RAP1GAP: variants seen among roughly 807,000 people sequenced by gnomAD.
The protein encoded by RAP1GAP is RAP1 GTPase activating protein, also known as rap1 GTPase-activating protein 1.
A neutral mutation model predicts 87.2 loss-of-function variants in RAP1GAP; 35 were observed. That is an observed-to-expected ratio of 0.40 (90% CI 0.31 to 0.53). RAP1GAP has a LOEUF of 0.53. RAP1GAP is among the 20% of genes least tolerant of loss of function. The pLI, the probability that RAP1GAP is intolerant of heterozygous loss-of-function variation, is 0.48. For synonymous variants in RAP1GAP, 375 were observed against 363.9 expected, an observed-to-expected ratio of 1.03 and a Z score of -0.35; for missense variants, 734 against 898.9, an observed-to-expected ratio of 0.82 and a Z score of 2.35.
At chr1:21,623,141 T>A (rs985236355) in intron 3 of RAP1GAP, among the ~76,000 whole-genome samples, 3 of 152,096 alleles carry the variant, frequency 2.0e-5, no homozygotes, top group Non-Finnish European at 4.4e-5. Context: ...CCGCCCTAGC[T>A]GCCCCAGATC....
intron 1 of RAP1GAP, among the ~76,000 whole-genome samples, chr1:21,660,592 C>G (rs2097118050): frequency 6.6e-6 from 1 of 151,880 alleles, no homozygotes; most frequent in Admixed American, 6.6e-5. Context: ...CCTCAGCCTC[C>G]CAAAGTGCCA....
At chr1:21,619,931 G>C (rs2085624333) in intron 4 of RAP1GAP, 84 bp downstream of exon 4, 1 of 1,440,742 alleles carries the variant, frequency 6.9e-7, no homozygotes, top group Non-Finnish European at 9.7e-7. Context: ...GGGAGGTGAA[G>C]GGCTGGAGAT....
chr1:21,602,319 C>T (rs578106064), intron 19 of RAP1GAP, among the ~76,000 whole-genome samples: 1 of 152,316 alleles, frequency 6.6e-6, no homozygotes, highest in South Asian at 2.1e-4. Flanking sequence ...CGCCCAAGGT[C>T]ACACATGGTT....
intron 19 of RAP1GAP, among the ~76,000 whole-genome samples, chr1:21,602,222 G>A (rs1044149018): frequency 1.3e-5 from 2 of 152,242 alleles, no homozygotes; most frequent in African/African-American, 4.8e-5. Flanking sequence ...GCAGTGCCCT[G>A]AGTCCCCACA....
chr1:21,620,026 C>T lies in RAP1GAP; in HGVS notation c.7G>A (p.Glu3Lys), dbSNP rs370800630. 2 of 1,613,968 alleles carry T rather than the reference C, an allele frequency of 1.2e-6. No homozygotes were observed. The highest frequency in any genetic ancestry group is 8.5e-7 in the Non-Finnish European group (1 of 1,179,950). The change falls in exon 4 of 25, where the codon GAG becomes AAG. Residue 3 changes from glutamate to lysine, a missense_variant. By Grantham distance (56) the Glu-to-Lys change is moderately conservative. Around this residue, in one of 2 missense-constraint regions of RAP1GAP, gnomAD observed 485 missense variants for 646.2 expected, o/e 0.75. Coordinates refer to ENST00000374765, the MANE Select transcript of RAP1GAP (RefSeq NM_002885.4). MI[E>K]KMQGSRMDEQ... ...AGAGCCATCCTCACCTGCATCTTCT[C>T]AATCATCTCAAATAGATCTGTGTTC... is the stretch of plus-strand genomic sequence containing the variant.
At chr1:21,662,980 C>G (rs947493787) in intron 1 of RAP1GAP, among the ~76,000 whole-genome samples, 3 of 152,232 alleles carry the variant, frequency 2.0e-5, no homozygotes, top group Admixed American at 6.5e-5. Flanking sequence ...TGCCTCCCCC[C>G]ATCCAGAATC....
rs1553475947 is a variant in RAP1GAP at position 21,638,471 on chromosome 1, A to AG, written c.-113+11289_-113+11290insC. Among the ~76,000 whole-genome samples, 48 of 150,882 alleles carry AG rather than the reference A, an allele frequency of 3.2e-4. No individual in the cohort carries two copies. The East Asian group carries it at 3.9e-3, about 12-fold the overall frequency. Reference sequence around the variant, plus strand: ...GACTCTGTCTCAAAAAAAAAAAAAAAAGAGAGAGAGAAAAGGGGCTTGCTG... The same window carrying AG: ...GACTCTGTCTCAAAAAAAAAAAAAAAGAGAGAGAGAGAAAAGGGGCTTGCTG... On this transcript the variant is annotated intron_variant, in intron 2 of 24. Transcript: ENST00000374765.
chr1:21,663,995 T>G (rs1210590970), intron 1 of RAP1GAP, among the ~76,000 whole-genome samples: 1 of 152,194 alleles, frequency 6.6e-6, no homozygotes. Context: ...ATGGGAGCTG[T>G]ACTGCAAAGA....
At position 21,643,561 on chromosome 1, in the gene RAP1GAP, AAAAAAAAAAAAAAAG is replaced by A. The variant is rs1452460514; in HGVS notation, c.-113+6185_-113+6199del. ...GAGACAGCAAGACTCCGTCTCAAAA[AAAAAAAAAAAAAAAG>A]AAAAAAGAAAAAAAGAAAATCCCCT... On this transcript the variant is annotated intron_variant, in intron 2 of 24. Transcript: ENST00000374765. 4.9e-3 allele frequency among the ~76,000 whole-genome samples: 707 copies of A among 144,510 alleles called. 8 individuals carry two copies. Among genetic ancestry groups the A allele is most frequent in the African/African-American group, 0.018 (687 of 38,986 alleles). 94.8% of individuals were successfully genotyped at this position (144,510 alleles called of 152,430 possible). A position where few individuals can be genotyped will look rare whatever the true frequency, so the allele number is the denominator to read the frequency against.
At position 21,634,885 on chromosome 1, in the gene RAP1GAP, TA is replaced by T; in HGVS notation, c.-112-8489del. On this transcript the variant is annotated intron_variant, in intron 2 of 24. Transcript: ENST00000374765. The surrounding 1 kb of genome is among the most constrained non-coding windows in gnomAD (Gnocchi z 4.1). ...GACTGACTCCTCCCCTGCACTGGGGTAAGGAGGAGGAGTGACTCTGAGATGA... is the reference window on the plus strand; with the variant it reads ...GACTGACTCCTCCCCTGCACTGGGGTAGGAGGAGGAGTGACTCTGAGATGA... The T allele has an allele frequency of 4.7e-6, 1 of 212,602 alleles. No individual in the cohort carries two copies. The highest frequency in any genetic ancestry group is 4.7e-5 in the South Asian group (1 of 21,324). The allele number at this position is 212,602 out of a possible 1,614,324, so 13.2% of individuals were successfully genotyped here. A position where few individuals can be genotyped will look rare whatever the true frequency, so the allele number is the denominator to read the frequency against.
chr1:21,613,238 G>A lies in RAP1GAP; in HGVS notation c.475-9C>T. On this transcript the variant is annotated splice_polypyrimidine_tract_variant and intron_variant, in intron 9 of 24. Coordinates refer to ENST00000374765, the MANE Select transcript of RAP1GAP (RefSeq NM_002885.4). The surrounding 1 kb of genome is among the most constrained non-coding windows in gnomAD (Gnocchi z 4.7). ...ACGTCTTCACACACCAACTGCAGGAGGAGATAAGGGAGGGGTGTGAGGTGT... is the reference window on the plus strand; with the variant it reads ...ACGTCTTCACACACCAACTGCAGGAAGAGATAAGGGAGGGGTGTGAGGTGT... 1 of 1,548,632 alleles carries A rather than the reference G, an allele frequency of 6.5e-7. No homozygotes were observed. The highest frequency in any genetic ancestry group is 1.7e-5 in the Admixed American group (1 of 59,896).
chr1:21,653,164 C>T (rs1281980247), intron 1 of RAP1GAP: 2 of 152,090 alleles, frequency 1.3e-5, no homozygotes, highest in Non-Finnish European at 2.9e-5. Context: ...TGCAGTTTCC[C>T]CATTTTAGAC....
At chr1:21,625,645 A>G (rs2150220082) in intron 3 of RAP1GAP, among the ~76,000 whole-genome samples, 1 of 152,348 alleles carries the variant, frequency 6.6e-6, no homozygotes. Context: ...ATAAAGCATT[A>G]AGTACTCTCT....
In RAP1GAP at chr1:21,608,252, C is replaced by A; in HGVS notation, c.1257G>T (p.Glu419Asp). The part of the protein sequence containing the change: ...MGLGGDEDKM[E>D]NGSGGGGFFE... Reference sequence around the variant, plus strand: ...AGAAGCCGCCGCCCCCACTGCCATTCTCCATCTTGTCCTCGTCGCCGCCCA... The same window carrying A: ...AGAAGCCGCCGCCCCCACTGCCATTATCCATCTTGTCCTCGTCGCCGCCCA... Residue 419 changes from glutamate to aspartate, a missense_variant, in exon 17 of 25, where the codon GAG (glutamate) becomes GAT (aspartate). Transcript: ENST00000374765. 1 of 1,614,112 alleles carries A rather than the reference C, an allele frequency of 6.2e-7. No homozygotes were observed. Among genetic ancestry groups the A allele is most frequent in the African/African-American group, 1.3e-5 (1 of 75,048 alleles).
intron 1 of RAP1GAP, among the ~76,000 whole-genome samples, chr1:21,659,794 G>A (rs1345008299): frequency 6.6e-6 from 1 of 152,158 alleles, no homozygotes; most frequent in Non-Finnish European, 1.5e-5. Context: ...TCTAGTTCCC[G>A]AGGCCCTGTG....
Position 21,669,112 on chromosome 1 carries a change from G to A in RAP1GAP, c.-149+142C>T. The A allele has an allele frequency of 2.1e-6, 2 of 938,090 alleles. No individual in the cohort carries two copies. The highest frequency in any genetic ancestry group is 2.7e-6 in the Non-Finnish European group (2 of 735,222). 58.1% of individuals were successfully genotyped at this position (938,090 alleles called of 1,614,324 possible). On this transcript the variant is annotated intron_variant, in intron 1 of 24. Transcript: ENST00000374765. This position sits in a 1 kb window ranked among gnomAD's most constrained non-coding sequence, Gnocchi z 5.6. The stretch of plus-strand genomic sequence containing the variant: ...CAGCTGCGCCCACCCCTCGCCCCTG[G>A]AGACCCGGGTCCCCCACGCGTTCGC...
In RAP1GAP at chr1:21,603,424, C is replaced by T. The variant is rs2070895318; in HGVS notation, c.1429-511G>A. ...ATGCCCCAGGCCCCAGAAGCCCGCC[C>T]CCAGCTTCTCTGGAGGCAGGAAGGG... On this transcript the variant is annotated intron_variant, in intron 18 of 24. Transcript: ENST00000374765. This position sits in a 1 kb window ranked among gnomAD's most constrained non-coding sequence, Gnocchi z 6.0. The T allele has an allele frequency of 1.8e-6, 1 of 555,930 alleles. No individual in the cohort carries two copies. Among genetic ancestry groups the T allele is most frequent in the Admixed American group, 3.3e-5 (1 of 30,188 alleles). 34.4% of individuals were successfully genotyped at this position (555,930 alleles called of 1,614,324 possible). A position where few individuals can be genotyped will look rare whatever the true frequency, so the allele number is the denominator to read the frequency against.
At chr1:21,645,825 G>A (rs2096002035) in intron 2 of RAP1GAP, among the ~76,000 whole-genome samples, 1 of 152,244 alleles carries the variant, frequency 6.6e-6, no homozygotes, top group Non-Finnish European at 1.5e-5. Flanking sequence ...GGCCAGCCTT[G>A]TGCTTCCTGC....
intron 6 of RAP1GAP, 30 bp downstream of exon 6, chr1:21,617,904 A>C (rs1318235): frequency 6.2e-7 from 1 of 1,613,950 alleles, no homozygotes; most frequent in East Asian, 2.2e-5. Context: ...GGGCTTGAGT[A>C]AGGGTGGGCG....
Sources: gnomAD v4.1 joint callset for allele counts (sites outside exome capture counted in the v4.1 genomes callset) on GRCh38, gnomAD v4.1.1 for gene constraint, gnomAD v4.1.1 regional missense constraint, Gnocchi (gnomAD v3.1) non-coding constraint, MANE v1.5 for transcripts, NCBI Gene and HGNC (gene_info 2026-07-23, HGNC 2026-07-21) for gene names.